The following HIVEP3 variants were observed in gnomAD, a reference collection of about 807,000 sequenced individuals.
The protein encoded by HIVEP3 is transcription factor HIVEP3.
In HIVEP3, 49 loss-of-function variants were observed where a neutral mutation model predicts 152.8. The ratio of observed to expected loss-of-function variants is 0.32; its 90% confidence interval spans 0.26 to 0.41. The LOEUF (loss-of-function observed/expected upper bound fraction) is 0.41, where lower values mean the gene tolerates loss of function less well. Ranked by LOEUF, HIVEP3 falls within the 10% of genes least tolerant of loss-of-function variation. The pLI, the probability that HIVEP3 is intolerant of heterozygous loss-of-function variation, is 1.00. For synonymous variants in HIVEP3, 1,269 were observed against 1,289.0 expected (o/e 0.98, Z 0.33); for missense variants, 2,790 against 3,103.3 (o/e 0.90, Z 2.40).
intron 1 of HIVEP3, among the ~76,000 whole-genome samples, chr1:41,850,970 T>A (rs1488049296): frequency 1.3e-5 from 2 of 152,216 alleles, no homozygotes; most frequent in Non-Finnish European, 2.9e-5. Flanking sequence ...TCTGTATGTT[T>A]CCTCTTGCAG....
chr1:41,924,683 G>A (rs781708335), intron 1 of HIVEP3, among the ~76,000 whole-genome samples: 1 of 145,756 alleles, frequency 6.9e-6, no homozygotes, highest in Non-Finnish European at 1.6e-5. Context: ...GACCATCTAT[G>A]TAGAGTGCTT....
chr1:41,732,993 A>G (rs2124189817), intron 1 of HIVEP3, among the ~76,000 whole-genome samples: 1 of 152,234 alleles, frequency 6.6e-6, no homozygotes, highest in East Asian at 1.9e-4. Flanking sequence ...GGTACTCAAT[A>G]CATGTGCATG....
intron 5 of HIVEP3, among the ~76,000 whole-genome samples, chr1:41,573,550 A>G (rs971329942): frequency 2.6e-5 from 4 of 152,238 alleles, no homozygotes; most frequent in African/African-American, 9.6e-5. Context: ...GATACCTTCC[A>G]TATCTGACAG....
chr1:41,796,183 G>A (rs892289666), intron 1 of HIVEP3, among the ~76,000 whole-genome samples: 8 of 152,168 alleles, frequency 5.3e-5, no homozygotes, highest in African/African-American at 1.7e-4. Flanking sequence ...AGCCTTTCTA[G>A]GGCAAAAATG....
intron 1 of HIVEP3, among the ~76,000 whole-genome samples, chr1:41,856,966 C>G (rs997195117): frequency 2.0e-5 from 3 of 152,010 alleles, no homozygotes; most frequent in African/African-American, 7.2e-5. Context: ...AAATAACCAC[C>G]TAGGGAGTCT....
chr1:41,865,879 G>GA (rs573830320), intron 1 of HIVEP3, among the ~76,000 whole-genome samples: 11 of 151,760 alleles, frequency 7.2e-5, no homozygotes, highest in Admixed American at 2.0e-4. Flanking sequence ...TGGCAAAAAG[G>GA]AAAAAAAACC....
At chr1:41,858,599 C>G (rs1271955772) in intron 1 of HIVEP3, among the ~76,000 whole-genome samples, 1 of 152,222 alleles carries the variant, frequency 6.6e-6, no homozygotes, top group Non-Finnish European at 1.5e-5. Flanking sequence ...CTACCCTATG[C>G]TGGGTACTAT....
intron 1 of HIVEP3, among the ~76,000 whole-genome samples, chr1:42,033,694 C>A (rs12042133): frequency 0.68 from 103,492 of 152,086 alleles, 35,864 homozygotes; most frequent in East Asian, 0.96. Flanking sequence ...TAAGACCAGA[C>A]CAAGAACTCC....
At chr1:41,848,111 A>C (rs1643493206) in intron 1 of HIVEP3, 1 of 152,206 alleles carries the variant, frequency 6.6e-6, no homozygotes, top group Non-Finnish European at 1.5e-5. Flanking sequence ...GGATACCCAG[A>C]GCTACCACAG....
chr1:41,840,921 C>G (rs1643269017), intron 1 of HIVEP3, among the ~76,000 whole-genome samples: 1 of 152,212 alleles, frequency 6.6e-6, no homozygotes, highest in Non-Finnish European at 1.5e-5. Context: ...CAGAAAGCAA[C>G]AAGCCCCAGG....
chr1:41,566,410 T>G (rs1376496370), intron 5 of HIVEP3, among the ~76,000 whole-genome samples: 1 of 152,122 alleles, frequency 6.6e-6, no homozygotes, highest in African/African-American at 2.4e-5. Flanking sequence ...TCCTGCCCCC[T>G]GCCCCTTCTC....
chr1:41,667,900 G>T (rs974821005), intron 2 of HIVEP3, among the ~76,000 whole-genome samples: 1 of 152,152 alleles, frequency 6.6e-6, no homozygotes, highest in African/African-American at 2.4e-5. Context: ...AGCTCTTTGG[G>T]GGATACTATG....
chr1:41,598,106 G>T (rs897204409), intron 3 of HIVEP3, among the ~76,000 whole-genome samples: 5 of 152,194 alleles, frequency 3.3e-5, no homozygotes, highest in African/African-American at 1.2e-4. Flanking sequence ...GCTTGTGGGT[G>T]AAAGAGCTTA....
rs535728970 is a variant in HIVEP3 at position 41,629,241 on chromosome 1, T to G, written c.-720-294A>C. Among the ~76,000 whole-genome samples, 3 of 152,284 alleles carry G rather than the reference T, an allele frequency of 2.0e-5. No individual in the cohort carries two copies. In the East Asian group the frequency reaches 5.8e-4, roughly 29 times the overall value. On this transcript the variant is annotated intron_variant, in intron 2 of 8. Coordinates refer to ENST00000372583, the MANE Select transcript of HIVEP3 (RefSeq NM_024503.5). ...CCCCCAGGACTGTGAATAGGATGGA[T>G]GGTTGGGTTATGTTACAGGGCACAA...
At chr1:41,778,277 G>T (rs1429851441) in intron 1 of HIVEP3, among the ~76,000 whole-genome samples, 1 of 152,214 alleles carries the variant, frequency 6.6e-6, no homozygotes, top group Non-Finnish European at 1.5e-5. Context: ...ATTTGACAAG[G>T]CAAGAGAGTA....
chr1:41,992,422 C>T (rs1645367929), intron 1 of HIVEP3, among the ~76,000 whole-genome samples: 1 of 117,654 alleles, frequency 8.5e-6, no homozygotes, highest in Non-Finnish European at 1.7e-5. Flanking sequence ...AATAAAATAC[C>T]TAGGAATCCA....
upstream of HIVEP3, among the ~76,000 whole-genome samples, chr1:41,922,479 C>T (rs1179430285): frequency 6.6e-6 from 1 of 152,044 alleles, no homozygotes; most frequent in Non-Finnish European, 1.5e-5. Flanking sequence ...TTTAAGGTTA[C>T]TTGAAGATCT....
intron 1 of HIVEP3, among the ~76,000 whole-genome samples, chr1:41,865,899 G>A (rs1035591637): frequency 1.3e-5 from 2 of 152,120 alleles, no homozygotes; most frequent in Admixed American, 6.5e-5. Context: ...CACATAACAC[G>A]GAGCTTTGAG....
At chr1:41,809,213 G>A (rs1650805212) in intron 1 of HIVEP3, among the ~76,000 whole-genome samples, 2 of 152,234 alleles carry the variant, frequency 1.3e-5, no homozygotes, top group South Asian at 4.1e-4. Context: ...GCACAGTTGA[G>A]GCACAGGTCT....
Sources: allele counts gnomAD v4.1 joint callset (sites outside exome capture counted in the v4.1 genomes callset), GRCh38; gene constraint gnomAD v4.1.1; transcripts MANE v1.5; gene names NCBI Gene and HGNC (gene_info 2026-07-23, HGNC 2026-07-21).